The following PSPC1 variants were observed in gnomAD, a reference collection of about 807,000 sequenced individuals.
The protein encoded by PSPC1 is paraspeckle protein 1.
In PSPC1, 14 loss-of-function variants were observed where a neutral mutation model predicts 51.6. That is an observed-to-expected ratio of 0.27 (90% CI 0.18 to 0.42). The LOEUF is 0.42. PSPC1 is among the 10% of genes least tolerant of loss of function. The pLI is 1.00. For synonymous variants in PSPC1, 193 were observed against 231.9 expected (o/e 0.83, Z 1.53); for missense variants, 406 against 701.1 (o/e 0.58, Z 4.75).
chr13:19,739,023 A>G (rs1593671157), intron 5 of PSPC1, among the ~76,000 whole-genome samples: 1 of 152,316 alleles, frequency 6.6e-6, no homozygotes, highest in East Asian at 1.9e-4. Flanking sequence ...TGTAGAACCC[A>G]CAGATACAAA....
intron 5 of PSPC1, among the ~76,000 whole-genome samples, chr13:19,730,565 G>C (rs1883927361): frequency 6.6e-6 from 1 of 151,914 alleles, no homozygotes; most frequent in Admixed American, 6.6e-5. Context: ...AGGTAAACCA[G>C]AAAAACAAAG....
At chr13:19,775,008 T>G (rs576110235) in intron 1 of PSPC1, among the ~76,000 whole-genome samples, 3 of 151,554 alleles carry the variant, frequency 2.0e-5, no homozygotes, top group Non-Finnish European at 4.4e-5. Context: ...GACCTCTTCT[T>G]TATTCCTTTA....
chr13:19,752,363 A>G (rs989890574), intron 3 of PSPC1, among the ~76,000 whole-genome samples: 1 of 152,174 alleles, frequency 6.6e-6, no homozygotes, highest in African/African-American at 2.4e-5. Flanking sequence ...GAATAAATTA[A>G]CGAATTACCA....
At position 19,741,606 on chromosome 13, in the gene PSPC1, G is replaced by T; in HGVS notation, c.1011C>A (p.Leu337=). ...RQEELRRLEE[L]RNQELQKRKQ... is the part of the protein sequence containing the mutation. ...TCCGTTTTTGCAACTCTTGGTTTCT[G>T]AGTTCTTCCAAGCGTCTGAGTTCTT... The change falls in exon 5 of 9, where the codon CTC becomes CTA. Residue 337 remains leucine, a synonymous_variant. Coordinates refer to ENST00000338910, the MANE Select transcript of PSPC1 (RefSeq NM_001354909.2). 1 of 1,606,638 alleles carries T rather than the reference G, an allele frequency of 6.2e-7. No homozygotes were observed. The highest frequency in any genetic ancestry group is 8.5e-7 in the Non-Finnish European group (1 of 1,175,202).
chr13:19,740,099 TTTGGGAGGCCGAGGCA>T (rs1885282115), intron 5 of PSPC1, among the ~76,000 whole-genome samples: 1 of 152,048 alleles, frequency 6.6e-6, no homozygotes, highest in Admixed American at 6.5e-5. Flanking sequence ...ATCCCAGCAC[TTTGGGAGGCCGAGGCA>T]GGCGGATCAC....
intron 7 of PSPC1, among the ~76,000 whole-genome samples, chr13:19,706,082 AAC>A (rs1163413684): frequency 6.6e-6 from 1 of 152,218 alleles, no homozygotes; most frequent in Non-Finnish European, 1.5e-5. Flanking sequence ...ATTTGAGACT[AAC>A]AGTTTGCAAG....
intron 4 of PSPC1, among the ~76,000 whole-genome samples, chr13:19,747,086 C>A (rs1168028780): frequency 6.6e-6 from 1 of 151,898 alleles, no homozygotes; most frequent in Non-Finnish European, 1.5e-5. Context: ...CCAGCCTGGG[C>A]AACAAGAGTG....
intron 6 of PSPC1, among the ~76,000 whole-genome samples, chr13:19,714,223 G>A (rs886834950): frequency 6.6e-5 from 10 of 152,116 alleles, no homozygotes; most frequent in Admixed American, 6.5e-4. Context: ...ATTCATAATT[G>A]AGGTGCATGT....
At chr13:19,746,360 C>G (rs999941650) in intron 4 of PSPC1, among the ~76,000 whole-genome samples, 11 of 151,862 alleles carry the variant, frequency 7.2e-5, no homozygotes, top group Non-Finnish European at 1.5e-4. Context: ...CGAGATTGCG[C>G]CACTGCACTC....
Position 19,782,851 on chromosome 13 carries a change from A to G in PSPC1, c.-94T>C. 5 of 1,331,906 alleles carry G rather than the reference A, an allele frequency of 3.8e-6. No homozygotes were observed. The highest frequency in any genetic ancestry group is 4.8e-6 in the Non-Finnish European group (5 of 1,035,276). The allele number at this position is 1,331,906 out of a possible 1,614,324, so 82.5% of individuals were successfully genotyped here. A position where few individuals can be genotyped will look rare whatever the true frequency, so the allele number is the denominator to read the frequency against. ...TACGTCTCTACATAAACCTATGCCA[A>G]CAAAATATCGACAATCAAGAGACCG... On this transcript the variant is annotated 5_prime_UTR_variant, in exon 1 of 9. Transcript: ENST00000338910. The surrounding 1 kb of genome is among the most constrained non-coding windows in gnomAD (Gnocchi z 4.5).
At chr13:19,696,745 A>C (rs1218790904) in intron 6 of PSPC1, among the ~76,000 whole-genome samples, 1 of 152,202 alleles carries the variant, frequency 6.6e-6, no homozygotes, top group African/African-American at 2.4e-5. Context: ...ACCTTCATCC[A>C]GCAGCCAGAA....
chr13:19,710,849 T>TAAAAAGCTAAAAAGCTAAAAA (rs1248051504), intron 6 of PSPC1, among the ~76,000 whole-genome samples: 1 of 152,106 alleles, frequency 6.6e-6, no homozygotes, highest in Non-Finnish European at 1.5e-5. Context: ...TTAATTTTTT[T>TAAAAAGCTAAAAAGCTAAAAA]TTTTTTCCCA....
chr13:19,731,554 C>A (rs977059541), intron 5 of PSPC1, among the ~76,000 whole-genome samples: 1 of 152,104 alleles, frequency 6.6e-6, no homozygotes, highest in Non-Finnish European at 1.5e-5. Context: ...GCTGGGACTA[C>A]GGGCACGTGC....
chr13:19,696,432 CATT>C (rs1879246424), intron 6 of PSPC1, among the ~76,000 whole-genome samples: 1 of 151,980 alleles, frequency 6.6e-6, no homozygotes, highest in African/African-American at 2.4e-5. Flanking sequence ...TAGATGCTCT[CATT>C]ATGAACCAAT....
chr13:19,699,708 G>C (rs1879673593), downstream of PSPC1, among the ~76,000 whole-genome samples: 1 of 149,828 alleles, frequency 6.7e-6, no homozygotes, highest in Non-Finnish European at 1.5e-5. Flanking sequence ...TTACTTTAAA[G>C]TAGTTTGCCA....
chr13:19,709,474 C>T (rs1398143808), intron 7 of PSPC1, 68 bp downstream of exon 7: 4 of 1,257,832 alleles, frequency 3.2e-6, no homozygotes, highest in South Asian at 2.7e-5. Context: ...TATGTAGATA[C>T]CACAAACAGC....
intron 2 of PSPC1, among the ~76,000 whole-genome samples, chr13:19,762,357 A>C (rs1441279952): frequency 6.6e-6 from 1 of 152,072 alleles, no homozygotes; most frequent in Non-Finnish European, 1.5e-5. Flanking sequence ...GGAGTTTGAG[A>C]CCAGTCTGGC....
chr13:19,732,955 A>T (rs1162849995), intron 5 of PSPC1, among the ~76,000 whole-genome samples: 2 of 152,052 alleles, frequency 1.3e-5, no homozygotes, highest in Non-Finnish European at 2.9e-5. Flanking sequence ...AAAAGAAAAA[A>T]AAAACACCAA....
At chr13:19,688,740 C>T (rs1374221980) in intron 6 of PSPC1, among the ~76,000 whole-genome samples, 1 of 152,118 alleles carries the variant, frequency 6.6e-6, no homozygotes, top group African/African-American at 2.4e-5. Flanking sequence ...ATCTATGACT[C>T]GAGCGTCTAC....
Sources: allele counts gnomAD v4.1 joint callset (sites outside exome capture counted in the v4.1 genomes callset), GRCh38; gene constraint gnomAD v4.1.1; non-coding constraint Gnocchi (gnomAD v3.1); transcripts MANE v1.5; gene names NCBI Gene and HGNC (gene_info 2026-07-23, HGNC 2026-07-21).